The following MLLT3 variants were observed in gnomAD, a reference collection of about 807,000 sequenced individuals.
MLLT3 encodes protein AF-9.
A neutral mutation model predicts 53.2 loss-of-function variants in MLLT3; 4 were observed. The observed-to-expected ratio is 0.08, with a 90% CI of 0.04 to 0.17. The LOEUF (loss-of-function observed/expected upper bound fraction) is 0.17, where lower values mean the gene tolerates loss of function less well. Ranked by LOEUF, MLLT3 falls within the 10% of genes least tolerant of loss-of-function variation. The pLI is 1.00. For synonymous variants in MLLT3, 283 were observed against 230.6 expected (o/e 1.23, Z -2.06); for missense variants, 569 against 684.0 (o/e 0.83, Z 1.87).
At chr9:20,463,103 G>A (rs1485372551) in intron 2 of MLLT3, among the ~76,000 whole-genome samples, 1 of 151,968 alleles carries the variant, frequency 6.6e-6, no homozygotes, top group Admixed American at 6.6e-5. Flanking sequence ...CGTAAAGGAG[G>A]GATTATTGAA....
At chr9:20,526,778 G>A (rs1818214559) in intron 2 of MLLT3, among the ~76,000 whole-genome samples, 1 of 152,122 alleles carries the variant, frequency 6.6e-6, no homozygotes, top group Non-Finnish European at 1.5e-5. Flanking sequence ...CCAGCAGAGT[G>A]AGAATTTCTG....
intron 2 of MLLT3, among the ~76,000 whole-genome samples, chr9:20,513,606 CTG>C (rs2118965579): frequency 6.6e-6 from 1 of 152,246 alleles, no homozygotes; most frequent in East Asian, 1.9e-4. Context: ...TGGAGTCACA[CTG>C]TGAATGAGAG....
chr9:20,400,292 G>A (rs1042615810), intron 5 of MLLT3, among the ~76,000 whole-genome samples: 1 of 152,072 alleles, frequency 6.6e-6, no homozygotes, highest in African/African-American at 2.4e-5. Flanking sequence ...TGTGAAAAAA[G>A]AGAGATGAGG....
chr9:20,568,047 T>C (rs1819428903), intron 2 of MLLT3, among the ~76,000 whole-genome samples: 1 of 152,116 alleles, frequency 6.6e-6, no homozygotes, highest in South Asian at 2.1e-4. Flanking sequence ...TTAAGAAGAA[T>C]ATGGTGACAG....
chr9:20,569,964 C>T (rs1055372233), intron 2 of MLLT3, among the ~76,000 whole-genome samples: 8 of 152,170 alleles, frequency 5.3e-5, no homozygotes, highest in Admixed American at 4.6e-4. Flanking sequence ...CATTTGCCCC[C>T]AGCTGGCCCA....
intron 2 of MLLT3, among the ~76,000 whole-genome samples, chr9:20,507,503 C>T (rs1168900050): frequency 6.6e-6 from 1 of 151,964 alleles, no homozygotes; most frequent in Non-Finnish European, 1.5e-5. Flanking sequence ...TTAAAGCTTG[C>T]CTTTAAAAAA....
intron 2 of MLLT3, among the ~76,000 whole-genome samples, chr9:20,550,246 C>G (rs918761516): frequency 2.0e-5 from 3 of 152,164 alleles, no homozygotes; most frequent in African/African-American, 7.2e-5. Flanking sequence ...AAGTGACTTA[C>G]AAATAATAAT....
At chr9:20,358,103 A>T (rs1266576354) in intron 8 of MLLT3, among the ~76,000 whole-genome samples, 1 of 152,246 alleles carries the variant, frequency 6.6e-6, no homozygotes, top group East Asian at 1.9e-4. Context: ...TACCATCAAC[A>T]TAGAGAATTA....
chr9:20,388,189 C>G (rs531567489), intron 5 of MLLT3, among the ~76,000 whole-genome samples: 8 of 152,174 alleles, frequency 5.3e-5, no homozygotes, highest in Non-Finnish European at 8.8e-5. Flanking sequence ...CTTTTGAACA[C>G]TTATTCTAAT....
rs749216380 is a variant in MLLT3, at chr9:20,346,413, T to C, written c.*30A>G. The C allele has an allele frequency of 5.9e-6, 7 of 1,188,340 alleles. No homozygotes were observed. The highest frequency in any genetic ancestry group is 5.6e-5 in the South Asian group (3 of 53,296). The allele number at this position is 1,188,340 out of a possible 1,614,324, so 73.6% of individuals were successfully genotyped here. A position where few individuals can be genotyped will look rare whatever the true frequency, so the allele number is the denominator to read the frequency against. On this transcript the variant is annotated 3_prime_UTR_variant, in exon 11 of 11. Coordinates refer to ENST00000380338, the MANE Select transcript of MLLT3 (RefSeq NM_004529.4). Reference sequence around the variant, plus strand: ...AAAAAACCAAAAAAAAAAAACACAATAGTTCTTGATGCATCCAGTTGTTAT... The same window carrying C: ...AAAAAACCAAAAAAAAAAAACACAACAGTTCTTGATGCATCCAGTTGTTAT...
chr9:20,378,789 A>G (rs1821838575), intron 5 of MLLT3, among the ~76,000 whole-genome samples: 1 of 152,126 alleles, frequency 6.6e-6, no homozygotes, highest in African/African-American at 2.4e-5. Flanking sequence ...CTTAGTGAAA[A>G]TGAACTAAAG....
intron 2 of MLLT3, among the ~76,000 whole-genome samples, chr9:20,501,773 A>C (rs1587000433): frequency 6.8e-6 from 1 of 147,710 alleles, no homozygotes; most frequent in Non-Finnish European, 1.5e-5. Context: ...AAAAAAAAAA[A>C]AAAAAAAAAA....
chr9:20,511,718 T>C (rs1207966004), intron 2 of MLLT3, among the ~76,000 whole-genome samples: 1 of 151,964 alleles, frequency 6.6e-6, no homozygotes, highest in Admixed American at 6.6e-5. Context: ...CACATACAGA[T>C]ACACAGACAT....
chr9:20,548,079 T>C (rs1327080421), intron 2 of MLLT3, among the ~76,000 whole-genome samples: 3 of 152,234 alleles, frequency 2.0e-5, no homozygotes, highest in Admixed American at 6.5e-5. Context: ...GTTGAAAAGG[T>C]AGATTCACAT....
chr9:20,436,620 A>G (rs896811825), intron 4 of MLLT3, among the ~76,000 whole-genome samples: 1 of 152,192 alleles, frequency 6.6e-6, no homozygotes, highest in East Asian at 1.9e-4. Flanking sequence ...AAGAAAGCTA[A>G]TATCACTATG....
At chr9:20,353,427 C>T (rs898716109) in intron 10 of MLLT3, 98 bp downstream of exon 10, 21 of 975,932 alleles carry the variant, frequency 2.2e-5, no homozygotes, top group South Asian at 1.1e-4. Context: ...GTTCTGATAG[C>T]GTGGGGCTGC....
chr9:20,447,496 G>A (rs1823734605), intron 4 of MLLT3, among the ~76,000 whole-genome samples: 1 of 152,128 alleles, frequency 6.6e-6, no homozygotes, highest in Non-Finnish European at 1.5e-5. Flanking sequence ...CCCAGCTTCA[G>A]AAGCAAACAC....
chr9:20,514,765 TTA>T (rs1202948244), intron 2 of MLLT3, among the ~76,000 whole-genome samples: 3 of 151,888 alleles, frequency 2.0e-5, no homozygotes, highest in Non-Finnish European at 4.4e-5. Flanking sequence ...GAGGAAATCA[TTA>T]TGCCTCTCGA....
In MLLT3 at chr9:20,553,480, T is replaced by G. The variant is rs148303347; in HGVS notation, c.193+67174A>C. Among the ~76,000 whole-genome samples, 344 of 152,294 alleles carry G rather than the reference T, an allele frequency of 2.3e-3. 1 individual carries two copies. Among genetic ancestry groups the G allele is most frequent in the African/African-American group, 7.9e-3 (327 of 41,574 alleles). On this transcript the variant is annotated intron_variant, in intron 2 of 10. Coordinates refer to ENST00000380338, the MANE Select transcript of MLLT3 (RefSeq NM_004529.4). ...ACTCATGGAGAAATCTGACCTCAATTCCATCTGACCTCAATTCATCTGTAA... is the reference window on the plus strand; with the variant it reads ...ACTCATGGAGAAATCTGACCTCAATGCCATCTGACCTCAATTCATCTGTAA...
Sources: allele counts gnomAD v4.1 joint callset (sites outside exome capture counted in the v4.1 genomes callset), GRCh38; gene constraint gnomAD v4.1.1; transcripts MANE v1.5; gene names NCBI Gene and HGNC (gene_info 2026-07-23, HGNC 2026-07-21).